Variants in CNOT4 observed in about 807,000 individuals in gnomAD.
The protein encoded by CNOT4 is CCR4-associated factor 4.
A neutral mutation model predicts 73.8 loss-of-function variants in CNOT4; 8 were observed. The observed-to-expected ratio is 0.11, with a 90% CI of 0.06 to 0.20. CNOT4 has a LOEUF of 0.20. Ranked by LOEUF, CNOT4 falls within the 10% of genes least tolerant of loss-of-function variation. The pLI is 1.00. For missense variants in CNOT4, 564 were observed against 883.4 expected, an observed-to-expected ratio of 0.64 and a Z score of 4.58; for synonymous variants, 293 against 321.1, an observed-to-expected ratio of 0.91 and a Z score of 0.94.
intron 1 of CNOT4, among the ~76,000 whole-genome samples, chr7:135,460,989 C>T (rs1396032062): frequency 2.0e-5 from 3 of 152,064 alleles, no homozygotes; most frequent in Non-Finnish European, 4.4e-5. Context: ...TTTTACAAAC[C>T]TGTAAAAATG....
At chr7:135,458,133 G>A (rs1283071871) in intron 1 of CNOT4, among the ~76,000 whole-genome samples, 1 of 152,018 alleles carries the variant, frequency 6.6e-6, no homozygotes. Context: ...AGATATTGTA[G>A]ATTCAGTTCC....
In CNOT4 at chr7:135,475,930, T is replaced by C. The variant is rs562491663; in HGVS notation, c.-93+33959A>G. 3.0e-4 allele frequency among the ~76,000 whole-genome samples: 46 copies of C among 151,564 alleles called. 2 individuals are homozygous for C. The South Asian group carries it at 9.2e-3, about 30-fold the overall frequency. Reference sequence around the variant, plus strand: ...TGTCTCAATAACAACAATGGAAAAATAAAAATGAGGGAAAAAAGTCTAAAA... The same window carrying C: ...TGTCTCAATAACAACAATGGAAAAACAAAAATGAGGGAAAAAAGTCTAAAA... On this transcript the variant is annotated intron_variant, in intron 1 of 11. Coordinates refer to ENST00000541284, the MANE Select transcript of CNOT4 (RefSeq NM_001190850.2).
At chr7:135,421,085 CTGA>C (rs1798165522) in intron 3 of CNOT4, among the ~76,000 whole-genome samples, 1 of 152,142 alleles carries the variant, frequency 6.6e-6, no homozygotes, top group Non-Finnish European at 1.5e-5. Flanking sequence ...ACTAATGTCC[CTGA>C]CTTTCGCGGG....
chr7:135,466,547 T>A (rs779522135), intron 1 of CNOT4, among the ~76,000 whole-genome samples: 3 of 150,894 alleles, frequency 2.0e-5, no homozygotes, highest in Non-Finnish European at 4.4e-5. Context: ...TTGAAGAAAA[T>A]TTTTAATATA....
chr7:135,474,091 T>C (rs1268011435), intron 1 of CNOT4, among the ~76,000 whole-genome samples: 1 of 150,216 alleles, frequency 6.7e-6, no homozygotes, highest in Admixed American at 6.7e-5. Context: ...GTGATTCTCC[T>C]GCCTCAGCCT....
chr7:135,436,353 GA>G (rs143533171), intron 2 of CNOT4, among the ~76,000 whole-genome samples: 20 of 141,856 alleles, frequency 1.4e-4, no homozygotes, highest in South Asian at 6.6e-4. Flanking sequence ...ATCCCAAAGG[GA>G]AAAAAAAAAG....
chr7:135,390,232 G>A (rs1425840745), intron 10 of CNOT4, among the ~76,000 whole-genome samples: 2 of 152,068 alleles, frequency 1.3e-5, no homozygotes, highest in South Asian at 2.1e-4. Context: ...GGAGGGCATC[G>A]TTGTAGTGCA....
intron 1 of CNOT4, among the ~76,000 whole-genome samples, chr7:135,483,446 T>A (rs1425625449): frequency 6.6e-6 from 1 of 151,996 alleles, no homozygotes; most frequent in African/African-American, 2.4e-5. Flanking sequence ...AATAATGTAA[T>A]CTGCCATATC....
At position 135,459,620 on chromosome 7, in the gene CNOT4, A is replaced by T. The variant is rs958620462; in HGVS notation, c.-92-21197T>A. Among the ~76,000 whole-genome samples the T allele has an allele frequency of 2.6e-5, 4 of 152,166 alleles. No individual in the cohort carries two copies. In the South Asian group the frequency reaches 8.3e-4, roughly 32 times the overall value. ...ATGGATACAAAAATCAGAAGATCAT[A>T]AAGTCCCTCATATAAAATGGTTGTT... On this transcript the variant is annotated intron_variant, in intron 1 of 11. Coordinates refer to ENST00000541284, the MANE Select transcript of CNOT4 (RefSeq NM_001190850.2).
At position 135,510,026 on chromosome 7, in the gene CNOT4, TGAGA is replaced by T. The variant is rs556561993; in HGVS notation, c.-234_-231del. Reference sequence around the variant, plus strand: ...CTTCAGCGAGTCCGACCTTTACGGCTGAGAGAGAGACTCTCAGCTTTCGGTGGGT... The same window carrying T: ...CTTCAGCGAGTCCGACCTTTACGGCTGAGAGACTCTCAGCTTTCGGTGGGT... On this transcript the variant is annotated 5_prime_UTR_variant, in exon 1 of 12. Coordinates refer to ENST00000541284, the MANE Select transcript of CNOT4 (RefSeq NM_001190850.2). The T allele has an allele frequency of 5.3e-4, 210 of 399,120 alleles. No homozygotes were observed. The highest frequency in any genetic ancestry group is 3.8e-3 in the African/African-American group (183 of 48,732). The allele number at this position is 399,120 out of a possible 1,614,324, so 24.7% of individuals were successfully genotyped here. A position where few individuals can be genotyped will look rare whatever the true frequency, so the allele number is the denominator to read the frequency against.
chr7:135,419,920 G>T (rs143551718), intron 3 of CNOT4, among the ~76,000 whole-genome samples: 1 of 151,946 alleles, frequency 6.6e-6, no homozygotes, highest in African/African-American at 2.4e-5. Context: ...GGGCATGGTG[G>T]TGCACACCTG....
At chr7:135,471,425 A>G (rs1563069762) in intron 1 of CNOT4, among the ~76,000 whole-genome samples, 1 of 152,190 alleles carries the variant, frequency 6.6e-6, no homozygotes, top group Admixed American at 6.6e-5. Flanking sequence ...ATATTTTGCA[A>G]TTATTATGAG....
chr7:135,501,950 C>T (rs1242270663), intron 1 of CNOT4, among the ~76,000 whole-genome samples: 3 of 152,166 alleles, frequency 2.0e-5, no homozygotes, highest in African/African-American at 7.2e-5. Flanking sequence ...GCTATGAGGG[C>T]TCTACCCTCA....
At chr7:135,440,111 T>C (rs545838047) in intron 1 of CNOT4, among the ~76,000 whole-genome samples, 1 of 143,002 alleles carries the variant, frequency 7.0e-6, no homozygotes, top group Non-Finnish European at 1.5e-5. Flanking sequence ...AAAACATAAA[T>C]AAAATTAAAA....
intron 3 of CNOT4, among the ~76,000 whole-genome samples, chr7:135,419,611 TAGTAG>T (rs1209639514): frequency 3.3e-5 from 5 of 152,150 alleles, no homozygotes; most frequent in Non-Finnish European, 5.9e-5. Flanking sequence ...CATATAAAAC[TAGTAG>T]AGTATATTTT....
At chr7:135,393,701 C>T (rs947655338) in intron 10 of CNOT4, among the ~76,000 whole-genome samples, 6 of 152,094 alleles carry the variant, frequency 3.9e-5, no homozygotes, top group African/African-American at 1.4e-4. Flanking sequence ...TGCTTCCAAA[C>T]AATAACTAAG....
intron 1 of CNOT4, among the ~76,000 whole-genome samples, chr7:135,473,552 GC>G (rs1394973437): frequency 6.6e-6 from 1 of 152,134 alleles, no homozygotes; most frequent in Non-Finnish European, 1.5e-5. Context: ...TTTGAGACCT[GC>G]CTGGGCAACA....
intron 10 of CNOT4, among the ~76,000 whole-genome samples, chr7:135,389,554 T>G (rs957109525): frequency 6.6e-6 from 1 of 152,088 alleles, no homozygotes; most frequent in Non-Finnish European, 1.5e-5. Flanking sequence ...TGAAAATTAT[T>G]TGACTACAAG....
At chr7:135,379,910 T>A (rs928252690) in intron 10 of CNOT4, among the ~76,000 whole-genome samples, 15 of 150,924 alleles carry the variant, frequency 9.9e-5, no homozygotes, top group Admixed American at 6.6e-5. Flanking sequence ...ATCAATACAT[T>A]ATTTCAGTAT....
Sources: allele counts gnomAD v4.1 joint callset (sites outside exome capture counted in the v4.1 genomes callset), GRCh38; gene constraint gnomAD v4.1.1; transcripts MANE v1.5; gene names NCBI Gene and HGNC (gene_info 2026-07-23, HGNC 2026-07-21).